Variants in CNGA3 observed in about 807,000 individuals in gnomAD.
CNGA3 encodes the protein cyclic nucleotide-gated channel alpha-3.
CNGA3 carries 42 observed loss-of-function variants against 46.6 expected under a neutral mutation model. The ratio of observed to expected loss-of-function variants is 0.90; its 90% CI spans 0.70 to 1.17. CNGA3 has a LOEUF of 1.17. Ranked by LOEUF, CNGA3 falls within the 50% of genes most tolerant of loss-of-function variation. The probability of loss-of-function intolerance (pLI) is 0.00; values close to 1 mark genes in which losing one functional copy is unlikely to be tolerated. For synonymous variants in CNGA3, 394 were observed against 369.4 expected, an observed-to-expected ratio of 1.07 and a Z score of -0.76; for missense variants, 893 against 890.7, an observed-to-expected ratio of 1.00 and a Z score of -0.03.
chr2:98,373,611 C>T (rs866205965), intron 2 of CNGA3, among the ~76,000 whole-genome samples: 2 of 152,166 alleles, frequency 1.3e-5, no homozygotes, highest in South Asian at 4.1e-4. Context: ...GAAAACATTT[C>T]ATTTGAATGA....
rs192836389 is a variant in CNGA3, at chr2:98,375,213, G to A, written c.102-2474G>A. ...TGATGTTATCTAATTCATTTGCCGCGAATGCAAATAAATCTGGTCTCAGGA... is the reference window on the plus strand; with the variant it reads ...TGATGTTATCTAATTCATTTGCCGCAAATGCAAATAAATCTGGTCTCAGGA... On this transcript the variant is annotated intron_variant, in intron 2 of 7. Coordinates refer to ENST00000272602, the MANE Select transcript of CNGA3 (RefSeq NM_001298.3). 2.9e-4 allele frequency among the ~76,000 whole-genome samples: 44 copies of A among 152,342 alleles called. 2 individuals are homozygous for A. The East Asian group carries it at 6.8e-3, about 23-fold the overall frequency.
chr2:98,380,026 A>G, intron 3 of CNGA3, 149 bp from the exon 4 acceptor site: 2 of 897,664 alleles, frequency 2.2e-6, no homozygotes, highest in Non-Finnish European at 3.5e-6. Context: ...GGCCCCCAGC[A>G]CCCGTACCCT....
intron 5 of CNGA3, among the ~76,000 whole-genome samples, chr2:98,384,942 T>A (rs1692619963): frequency 6.6e-6 from 1 of 152,202 alleles, no homozygotes; most frequent in Non-Finnish European, 1.5e-5. Flanking sequence ...TATGAACACC[T>A]TCCCCGACTC....
intron 2 of CNGA3, among the ~76,000 whole-genome samples, chr2:98,375,966 C>T (rs1346779562): frequency 6.6e-6 from 1 of 152,004 alleles, no homozygotes; most frequent in East Asian, 1.9e-4. Context: ...GGCTGGCATA[C>T]AGAAAAGAGC....
intron 3 of CNGA3, chr2:98,378,350 A>G (rs1034834925): frequency 5.4e-5 from 54 of 993,788 alleles, no homozygotes; most frequent in Non-Finnish European, 4.6e-5. Context: ...CACCTTTTCA[A>G]ATCTCATCTA....
rs770991493 is a variant in CNGA3 at position 98,397,264 on chromosome 2, C to A, written c.*9C>A. The A allele has an allele frequency of 6.8e-6, 11 of 1,612,864 alleles. No individual in the cohort carries two copies. Among genetic ancestry groups the A allele is most frequent in the African/African-American group, 1.3e-5 (1 of 74,940 alleles). On this transcript the variant is annotated 3_prime_UTR_variant, in exon 8 of 8. Coordinates refer to ENST00000272602, the MANE Select transcript of CNGA3 (RefSeq NM_001298.3). The stretch of plus-strand genomic sequence containing the variant: ...AGGACAAACAACAGTGAAAATGCAG[C>A]ATCTGTCTCCTGCTTCACAGGGTCG...
At chr2:98,371,143 A>T (rs1449200396) in intron 2 of CNGA3, among the ~76,000 whole-genome samples, 1 of 152,160 alleles carries the variant, frequency 6.6e-6, no homozygotes, top group African/African-American at 2.4e-5. Context: ...TAAATGATTA[A>T]TGAGATGATT....
Position 98,391,934 on chromosome 2 carries a change from C to A in CNGA3, c.637C>A (p.Leu213Met), listed in dbSNP as rs748346243. The A allele has an allele frequency of 6.2e-7, 1 of 1,614,116 alleles. No homozygotes were observed. Among genetic ancestry groups the A allele is most frequent in the Non-Finnish European group, 8.5e-7 (1 of 1,180,002 alleles). ...WLVLDYSADV[L>M]YVLDVLVRAR... ...GGTCCTGGACTACTCGGCAGATGTC[C>A]TGTATGTCTTGGATGTGCTTGTACG... The change falls in exon 7 of 8, where the codon CTG becomes ATG. Residue 213 changes from leucine to methionine, a missense_variant. Physicochemically the swap from Leu to Met is conservative, Grantham distance 15. This residue lies in a region of CNGA3 where 333 missense variants were observed against 290.8 expected (regional missense o/e 1.15). Transcript: ENST00000272602.
intron 3 of CNGA3, chr2:98,378,099 TA>T: frequency 6.4e-7 from 1 of 1,550,810 alleles, no homozygotes; most frequent in African/African-American, 1.4e-5. Context: ...GAGAAGGTGG[TA>T]AGAGCAGCCA....
At chr2:98,359,692 G>A (rs1691979161) in intron 1 of CNGA3, among the ~76,000 whole-genome samples, 1 of 152,122 alleles carries the variant, frequency 6.6e-6, no homozygotes, top group Non-Finnish European at 1.5e-5. Context: ...CACGTCAAAG[G>A]GGCCTTGCAC....
At chr2:98,392,275 C>T (rs1230463256) in intron 7 of CNGA3, among the ~76,000 whole-genome samples, 2 of 152,116 alleles carry the variant, frequency 1.3e-5, no homozygotes, top group Non-Finnish European at 2.9e-5. Flanking sequence ...GATAAGCAGG[C>T]CAGGCCAGGT....
intron 1 of CNGA3, among the ~76,000 whole-genome samples, chr2:98,362,789 T>C (rs1692063356): frequency 1.3e-5 from 2 of 152,242 alleles, no homozygotes; most frequent in African/African-American, 4.8e-5. Flanking sequence ...TTTGGGGTTT[T>C]ACATTTAAGT....
chr2:98,378,994 G>A (rs1305783859), intron 3 of CNGA3, among the ~76,000 whole-genome samples: 1 of 152,238 alleles, frequency 6.6e-6, no homozygotes, highest in Non-Finnish European at 1.5e-5. Context: ...CTGTCTTCGA[G>A]TGGCTCTCAG....
chr2:98,355,843 A>G (rs1691867763), intron 1 of CNGA3: 3 of 152,230 alleles, frequency 2.0e-5, no homozygotes, highest in Admixed American at 2.0e-4. Context: ...TGGGAAGAGA[A>G]GCCATCTCTC....
At chr2:98,375,502 C>T (rs1692384648) in intron 2 of CNGA3, among the ~76,000 whole-genome samples, 1 of 152,252 alleles carries the variant, frequency 6.6e-6, no homozygotes, top group African/African-American at 2.4e-5. Context: ...TTGGAACATG[C>T]ATCCTGCCTT....
chr2:98,397,124 A>C lies in CNGA3; in HGVS notation c.1954A>C (p.Asn652His). Residue 652 changes from asparagine to histidine, a missense_variant, in exon 8 of 8, where the codon AAC becomes CAC. By Grantham distance (68) the Asn-to-His change is moderately conservative. Around this residue, in one of 3 missense-constraint regions of CNGA3, gnomAD observed 548 missense variants for 570.8 expected, o/e 0.96. Transcript: ENST00000272602. The stretch of plus-strand genomic sequence containing the variant: ...GTTTGCACGCCTCCTGGCTGAGTAC[A>C]ACGCCACCCAGATGAAGATGAAGCA... Reference protein sequence around the residue: ...TRFARLLAEYNATQMKMKQRL... With the variant: ...TRFARLLAEYHATQMKMKQRL... 1.2e-6 allele frequency: 2 copies of C among 1,614,162 alleles called. No individual in the cohort carries two copies. The highest frequency in any genetic ancestry group is 1.7e-6 in the Non-Finnish European group (2 of 1,180,016).
intron 5 of CNGA3, among the ~76,000 whole-genome samples, chr2:98,387,451 C>T (rs548050996): frequency 1.3e-5 from 2 of 152,324 alleles, no homozygotes; most frequent in African/African-American, 2.4e-5. Context: ...CCTTCCGCAA[C>T]CTTTGTTTCT....
chr2:98,381,475 C>A (rs1574379078), intron 4 of CNGA3, among the ~76,000 whole-genome samples: 3 of 152,160 alleles, frequency 2.0e-5, no homozygotes, highest in African/African-American at 7.2e-5. Context: ...AGGGGAAACC[C>A]AGTGGCTCTT....
chr2:98,351,311 C>T (rs564184384), intron 1 of CNGA3, among the ~76,000 whole-genome samples: 1 of 152,304 alleles, frequency 6.6e-6, no homozygotes, highest in East Asian at 1.9e-4. Context: ...TGAATTCCCA[C>T]GTGTTGTGGG....
Sources: gnomAD v4.1 joint callset for allele counts (sites outside exome capture counted in the v4.1 genomes callset) on GRCh38, gnomAD v4.1.1 for gene constraint, gnomAD v4.1.1 regional missense constraint, MANE v1.5 for transcripts, NCBI Gene and HGNC (gene_info 2026-07-23, HGNC 2026-07-21) for gene names.